The following SMIM31 variants were observed in gnomAD, a reference collection of about 807,000 sequenced individuals.
SMIM31 encodes the protein small integral membrane protein 31, also known as human epithelial cell program regulator.
chr4:164,774,403 G>C, intron 2 of SMIM31, among the ~76,000 whole-genome samples: 1 of 152,114 alleles, frequency 6.6e-6, no homozygotes, highest in Non-Finnish European at 1.5e-5. Context: ...CAAAGCCACT[G>C]ACAAATGAGT....
At chr4:164,761,779 C>A (rs1018068961) in intron 1 of SMIM31, among the ~76,000 whole-genome samples, 3 of 150,012 alleles carry the variant, frequency 2.0e-5, no homozygotes, top group African/African-American at 7.3e-5. Context: ...AAAAAATTAG[C>A]CAGGTGTGGT....
intron 2 of SMIM31, among the ~76,000 whole-genome samples, chr4:164,785,751 T>A (rs1318107406): frequency 2.9e-5 from 2 of 68,226 alleles, no homozygotes; most frequent in Non-Finnish European, 4.2e-5. Flanking sequence ...TGTATGCACA[T>A]ATATATATAT....
intron 1 of SMIM31, among the ~76,000 whole-genome samples, chr4:164,762,941 T>C (rs547282561): frequency 6.6e-6 from 1 of 152,244 alleles, no homozygotes; most frequent in Admixed American, 6.5e-5. Context: ...AAAATAAAGC[T>C]CTAATGACTC....
chr4:164,798,385 C>G (rs1733236908), intron 2 of SMIM31, among the ~76,000 whole-genome samples: 1 of 151,934 alleles, frequency 6.6e-6, no homozygotes, highest in Non-Finnish European at 1.5e-5. Context: ...AGGCGCCCAC[C>G]ACCATGCCCA....
intron 1 of SMIM31, among the ~76,000 whole-genome samples, chr4:164,768,211 G>A (rs1034309826): frequency 2.7e-4 from 41 of 150,306 alleles, no homozygotes; most frequent in African/African-American, 8.9e-4. Flanking sequence ...TCTCCAGCCT[G>A]GGCAACAGAG....
chr4:164,769,662 G>T (rs1336644024), intron 1 of SMIM31, among the ~76,000 whole-genome samples: 1 of 151,002 alleles, frequency 6.6e-6, no homozygotes, highest in African/African-American at 2.4e-5. Context: ...GAGTTAATGG[G>T]TTCAGCACAC....
chr4:164,756,244 TAAAGTA>T (rs1373419573), intron 1 of SMIM31, among the ~76,000 whole-genome samples: 1 of 152,098 alleles, frequency 6.6e-6, no homozygotes, highest in East Asian at 1.9e-4. Flanking sequence ...TCCCAGAACT[TAAAGTA>T]AAATTTCTTT....
chr4:164,782,506 G>A (rs1732966426), intron 2 of SMIM31, among the ~76,000 whole-genome samples: 2 of 149,066 alleles, frequency 1.3e-5, no homozygotes, highest in Admixed American at 1.3e-4. Context: ...AGCCTCCCGA[G>A]TAGCTGGGAC....
intron 2 of SMIM31, among the ~76,000 whole-genome samples, chr4:164,799,768 T>C (rs1190862438): frequency 6.6e-6 from 1 of 152,210 alleles, no homozygotes; most frequent in East Asian, 1.9e-4. Flanking sequence ...GCAGTGATCT[T>C]TGTCAGTTTT....
Position 164,801,289 on chromosome 4 carries a change from G to C in SMIM31, c.*95G>C, listed in dbSNP as rs892979371. 5.0e-6 allele frequency: 2 copies of C among 397,130 alleles called. No homozygotes were observed. The highest frequency in any genetic ancestry group is 6.3e-4 in the Middle Eastern group (1 of 1,582). The allele number at this position is 397,130 out of a possible 1,614,324, so 24.6% of individuals were successfully genotyped here. On this transcript the variant is annotated 3_prime_UTR_variant, in exon 3 of 3. Coordinates refer to ENST00000507311, the MANE Select transcript of SMIM31 (RefSeq NM_001352885.1). ...TTACACAAGAGGAGGGGATAATGAA[G>C]AAAGTTAAAATCACTTACTGATTAA...
chr4:164,769,115 C>T (rs1732759620), intron 1 of SMIM31, among the ~76,000 whole-genome samples: 2 of 152,104 alleles, frequency 1.3e-5, no homozygotes, highest in African/African-American at 4.8e-5. Flanking sequence ...ATCAAATCGG[C>T]TCTGAGTTTT....
rs779023276 is a variant in SMIM31 at position 164,758,622 on chromosome 4, C to CTTTTTTT, written c.-26+4212_-26+4218dup. 6.9e-4 allele frequency among the ~76,000 whole-genome samples: 73 copies of CTTTTTTT among 105,404 alleles called. 5 individuals carry two copies. Among genetic ancestry groups the CTTTTTTT allele is most frequent in the Admixed American group, 1.0e-3 (8 of 7,758 alleles). The allele number at this position is 105,404 out of a possible 152,430, so 69.1% of individuals were successfully genotyped here. On this transcript the variant is annotated intron_variant, in intron 1 of 2. Coordinates refer to ENST00000507311, the MANE Select transcript of SMIM31 (RefSeq NM_001352885.1). ...GGAAATGACCATATATGTAGTTTTC[C>CTTTTTTT]TTTTTTTGTTTTTTTTTTTTTTTTT...
intron 2 of SMIM31, among the ~76,000 whole-genome samples, chr4:164,785,159 G>A (rs1733011664): frequency 6.6e-6 from 1 of 151,938 alleles, no homozygotes; most frequent in Non-Finnish European, 1.5e-5. Context: ...CCAGGAGGCG[G>A]AGGTTGCGGT....
intron 2 of SMIM31, among the ~76,000 whole-genome samples, chr4:164,786,012 G>A (rs891330438): frequency 3.9e-5 from 6 of 151,976 alleles, no homozygotes; most frequent in African/African-American, 1.5e-4. Context: ...GTTTCCTATA[G>A]GAAATGACCA....
intron 2 of SMIM31, among the ~76,000 whole-genome samples, chr4:164,799,362 G>A (rs1057296057): frequency 6.6e-5 from 10 of 151,964 alleles, no homozygotes; most frequent in Non-Finnish European, 1.5e-5. Flanking sequence ...TCCAGCCTGG[G>A]CAACAGAGCA....
chr4:164,776,133 A>G (rs572657817), intron 2 of SMIM31, among the ~76,000 whole-genome samples: 21 of 151,948 alleles, frequency 1.4e-4, no homozygotes, highest in Non-Finnish European at 2.5e-4. Context: ...CTCCCCCTCT[A>G]CTTGAATCTT....
At chr4:164,759,645 C>T (rs1486390020) in intron 1 of SMIM31, among the ~76,000 whole-genome samples, 1 of 152,052 alleles carries the variant, frequency 6.6e-6, no homozygotes, top group African/African-American at 2.4e-5. Flanking sequence ...TCTGTATCCA[C>T]TTCATTAGAT....
At chr4:164,782,372 C>A (rs1031483503) in intron 2 of SMIM31, among the ~76,000 whole-genome samples, 3 of 135,874 alleles carry the variant, frequency 2.2e-5, no homozygotes, top group South Asian at 2.2e-4. Flanking sequence ...TTATCTCTTT[C>A]TTTTATTTTT....
At chr4:164,755,734 A>G (rs945970542) in intron 1 of SMIM31, among the ~76,000 whole-genome samples, 2 of 152,072 alleles carry the variant, frequency 1.3e-5, no homozygotes, top group Non-Finnish European at 2.9e-5. Context: ...TAAAAAACAC[A>G]CCCAGTTTCA....
Sources: allele counts gnomAD v4.1 joint callset (sites outside exome capture counted in the v4.1 genomes callset), GRCh38; gene constraint gnomAD v4.1.1; transcripts MANE v1.5; gene names NCBI Gene and HGNC (gene_info 2026-07-23, HGNC 2026-07-21).